The following URI1 variants were observed in gnomAD, a reference collection of about 807,000 sequenced individuals.
The protein encoded by URI1 is unconventional prefoldin RPB5 interactor 1.
In URI1, 39 loss-of-function variants were observed where a neutral mutation model predicts 60.2. That is an observed-to-expected ratio of 0.65 (90% CI 0.50 to 0.85). The LOEUF is 0.85. URI1 is among the 40% of genes least tolerant of loss of function. The pLI is 0.00. For missense variants in URI1, 691 were observed against 665.9 expected (o/e 1.04, Z -0.42); for synonymous variants, 251 against 236.8 (o/e 1.06, Z -0.55).
intron 6 of URI1, 41 bp from the exon 7 acceptor site, chr19:30,007,429 G>T: frequency 6.3e-7 from 1 of 1,594,500 alleles, no homozygotes; most frequent in Admixed American, 1.7e-5. Flanking sequence ...CCTTTTTTAT[G>T]TTGGCTATTA....
chr19:29,978,065 A>G (rs1010940604), intron 2 of URI1, among the ~76,000 whole-genome samples: 1 of 152,148 alleles, frequency 6.6e-6, no homozygotes, highest in African/African-American at 2.4e-5. Context: ...CAAACTGTAA[A>G]TGCATTTTTC....
chr19:30,009,305 T>C lies in URI1; in HGVS notation c.987T>C (p.Asp329=). ...ACCATGAGGCTTTAGGGGTTGGAGATAATTCTATACCAACAATATATTTTT... is the reference window on the plus strand; with the variant it reads ...ACCATGAGGCTTTAGGGGTTGGAGACAATTCTATACCAACAATATATTTTT... The part of the protein sequence containing the change: ...DNDHEALGVG[D]NSIPTIYFSH... The change falls in exon 8 of 11, where the codon GAT becomes GAC. Residue 329 remains aspartate (D), a synonymous_variant. Transcript: ENST00000392271. 1 of 1,614,108 alleles carries C rather than the reference T, an allele frequency of 6.2e-7. No homozygotes were observed. Among genetic ancestry groups the C allele is most frequent in the Non-Finnish European group, 8.5e-7 (1 of 1,179,990 alleles).
rs192961990 is a variant in URI1, at chr19:30,005,742, T to C, written c.517+34T>C. 620 of 1,574,846 alleles carry C rather than the reference T, an allele frequency of 3.9e-4. 2 individuals are homozygous for C. Among genetic ancestry groups the C allele is most frequent in the Non-Finnish European group, 4.6e-5 (54 of 1,161,754 alleles). ...TAAGATTGTTTTATGTGTAGCTGTT[T>C]AGATATTTTGATTTTTGTTGATTTT... On this transcript the variant is annotated intron_variant, in intron 6 of 10. Coordinates refer to ENST00000392271, the MANE Select transcript of URI1 (RefSeq NM_003796.3).
At chr19:29,930,747 T>G (rs929171661) in intron 1 of URI1, among the ~76,000 whole-genome samples, 2 of 152,100 alleles carry the variant, frequency 1.3e-5, no homozygotes, top group Non-Finnish European at 2.9e-5. Flanking sequence ...CAGGCTGGAG[T>G]GCAGTGGTGC....
Position 30,012,282 on chromosome 19 carries a change from C to T in URI1, c.1179-3C>T. On this transcript the variant is annotated splice_region_variant and splice_polypyrimidine_tract_variant and intron_variant, in intron 9 of 10. Transcript: ENST00000392271. ...GAATGCATATGTGTTTTGAATATCA[C>T]AGAGCCTTTGTTGATGTTGTGAATG... is the stretch of plus-strand genomic sequence containing the variant. The T allele has an allele frequency of 6.2e-7, 1 of 1,610,814 alleles. No homozygotes were observed. The highest frequency in any genetic ancestry group is 8.5e-7 in the Non-Finnish European group (1 of 1,177,416).
intron 1 of URI1, among the ~76,000 whole-genome samples, chr19:29,970,065 T>G (rs1397761374): frequency 6.6e-6 from 1 of 151,798 alleles, no homozygotes; most frequent in African/African-American, 2.4e-5. Flanking sequence ...AGAGGACATT[T>G]ATTTCAGGAA....
At chr19:29,963,719 C>T (rs999264848) in intron 1 of URI1, among the ~76,000 whole-genome samples, 1 of 152,138 alleles carries the variant, frequency 6.6e-6, no homozygotes, top group African/African-American at 2.4e-5. Flanking sequence ...GGAAAAGGCG[C>T]GTCCTTTCTT....
chr19:30,008,424 T>C (rs2055971767), intron 7 of URI1, among the ~76,000 whole-genome samples: 1 of 152,162 alleles, frequency 6.6e-6, no homozygotes, highest in South Asian at 2.1e-4. Context: ...TTGGTCATGA[T>C]TCTCTTTCTA....
chr19:29,930,623 G>C (rs993260423), intron 1 of URI1, among the ~76,000 whole-genome samples: 1 of 151,930 alleles, frequency 6.6e-6, no homozygotes, highest in Non-Finnish European at 1.5e-5. Context: ...ATCAGTACGC[G>C]AGAGGGTTTA....
chr19:29,940,626 G>A (rs1007934993), upstream of URI1, among the ~76,000 whole-genome samples: 1 of 152,110 alleles, frequency 6.6e-6, no homozygotes, highest in Non-Finnish European at 1.5e-5. Flanking sequence ...TCCAGCCTGG[G>A]CAACAGAGGA....
Position 29,936,722 on chromosome 19 carries a change from C to A in URI1, c.63+12968C>A, listed in dbSNP as rs1207754352. On this transcript the variant is annotated intron_variant, in intron 1 of 10. Coordinates refer to the URI1 transcript ENST00000360605. The stretch of plus-strand genomic sequence containing the variant: ...GCATATGTTGATATATGCTTGATGG[C>A]ATCACATGGATCTATCAGGCTCTGT... Among the ~76,000 whole-genome samples, 4 of 152,212 alleles carry A rather than the reference C, an allele frequency of 2.6e-5. No homozygotes were observed. The East Asian group carries it at 7.7e-4, about 29-fold the overall frequency.
intron 1 of URI1, among the ~76,000 whole-genome samples, chr19:29,966,862 G>A (rs570353306): frequency 2.0e-5 from 3 of 152,306 alleles, no homozygotes; most frequent in South Asian, 4.1e-4. Context: ...GTTATATTAT[G>A]CATTAACCCA....
intron 2 of URI1, among the ~76,000 whole-genome samples, chr19:29,973,541 T>G (rs900596761): frequency 2.6e-5 from 4 of 152,170 alleles, no homozygotes; most frequent in Non-Finnish European, 5.9e-5. Flanking sequence ...TTATGCTTGT[T>G]TGTATAATTT....
chr19:29,976,861 AGAT>A (rs1315440701), intron 2 of URI1, among the ~76,000 whole-genome samples: 2 of 152,246 alleles, frequency 1.3e-5, no homozygotes, highest in African/African-American at 2.4e-5. Context: ...ATATAGAAGA[AGAT>A]ACTTTGTTCA....
intron 10 of URI1, 38 bp downstream of exon 10, chr19:30,012,569 G>C (rs2056036686): frequency 1.3e-6 from 2 of 1,596,898 alleles, no homozygotes; most frequent in African/African-American, 2.7e-5. Flanking sequence ...ATTTCATATA[G>C]TATCTTTGAC....
At chr19:29,984,849 C>CAGTG (rs1261966322) in intron 2 of URI1, among the ~76,000 whole-genome samples, 1 of 151,968 alleles carries the variant, frequency 6.6e-6, no homozygotes. Flanking sequence ...AGGCCAGGTG[C>CAGTG]AGTGGCTCAC....
chr19:29,942,659 GA>G lies in URI1; in HGVS notation c.116del (p.Lys39ArgfsTer16), dbSNP rs1452726669. The G allele has an allele frequency of 6.3e-6, 9 of 1,439,642 alleles. No individual in the cohort carries two copies. Among genetic ancestry groups the G allele is most frequent in the Admixed American group, 4.8e-5 (2 of 41,316 alleles). 89.2% of individuals were successfully genotyped at this position (1,439,642 alleles called of 1,614,324 possible). Reference protein sequence around the residue: ...PDVARLREEQEKVVTNCQERI... With the variant: ...PDVARLREEQXKVVTNCQERI... ...TGTGGCGCGGCTGCGCGAGGAGCAG[GA>G]AAAGGTAACTAGCAGCCCCGCGCCG... On this transcript the variant is annotated frameshift_variant, in exon 1 of 11. Coordinates refer to ENST00000392271, the MANE Select transcript of URI1 (RefSeq NM_003796.3). LOFTEE classifies it high-confidence loss of function.
At chr19:29,989,712 C>T (rs931728908) in intron 4 of URI1, among the ~76,000 whole-genome samples, 5 of 152,028 alleles carry the variant, frequency 3.3e-5, no homozygotes, top group African/African-American at 1.2e-4. Flanking sequence ...GCTGAGATTA[C>T]AGGTATGAGC....
upstream of URI1, among the ~76,000 whole-genome samples, chr19:29,941,959 G>T (rs1407316076): frequency 6.6e-6 from 1 of 151,708 alleles, no homozygotes; most frequent in Non-Finnish European, 1.5e-5. Context: ...CGTTTCCTGG[G>T]CGTGGAGCTT....
Sources: gnomAD v4.1 joint callset for allele counts (sites outside exome capture counted in the v4.1 genomes callset) on GRCh38, gnomAD v4.1.1 for gene constraint, MANE v1.5 for transcripts, NCBI Gene and HGNC (gene_info 2026-07-23, HGNC 2026-07-21) for gene names.